The following PCDH11X variants were observed in gnomAD, a reference collection of about 807,000 sequenced individuals.
PCDH11X encodes protocadherin-11 X-linked.
In PCDH11X, 18 loss-of-function variants were observed where a neutral mutation model predicts 53.3. That is an observed-to-expected ratio of 0.34 (90% CI 0.23 to 0.50). PCDH11X has a LOEUF of 0.50. Among genes scored for constraint, PCDH11X ranks in the 20% least tolerant of loss-of-function variants. PCDH11X has a pLI of 0.98. For missense variants in PCDH11X, 570 were observed against 1,032.4 expected (o/e 0.55, Z 6.14); for synonymous variants, 279 against 393.3 (o/e 0.71, Z 3.44).
chrX:92,564,611 A>C (rs1193555024), intron 10 of PCDH11X, among the ~76,000 whole-genome samples: 1 of 110,994 alleles, frequency 9.0e-6, no homozygotes, highest in Non-Finnish European at 1.9e-5. Flanking sequence ...ACATATAAAA[A>C]TCAAATTATA....
At chrX:92,039,755 T>C (rs1289855884) in intron 6 of PCDH11X, among the ~76,000 whole-genome samples, 3 of 111,627 alleles carry the variant, frequency 2.7e-5, no homozygotes, top group African/African-American at 9.8e-5. Context: ...TTCCCTTTGC[T>C]TTTCCCTCTG....
intron 7 of PCDH11X, among the ~76,000 whole-genome samples, chrX:92,237,265 C>T (rs2067188637): frequency 9.1e-6 from 1 of 110,445 alleles, no homozygotes. Flanking sequence ...CCATAAAGAT[C>T]AATAATTTTA....
At position 91,843,577 on chromosome X, in the gene PCDH11X, T is replaced by C. The variant is rs2524459; in HGVS notation, c.540+7533T>C. Among the ~76,000 whole-genome samples the C allele has an allele frequency of 1.3e-3, 144 of 111,214 alleles. No homozygotes were observed. In the South Asian group the frequency reaches 0.035, roughly 27 times the overall value. On this transcript the variant is annotated intron_variant, in intron 5 of 10. Coordinates refer to ENST00000682573, the MANE Select transcript of PCDH11X (RefSeq NM_032968.5). ...CAGTGATCCTCCTGCCTCGGCCTCCTGAAATGTCATGGTTACAGGCATGAG... is the reference window on the plus strand; with the variant it reads ...CAGTGATCCTCCTGCCTCGGCCTCCCGAAATGTCATGGTTACAGGCATGAG...
At chrX:91,897,647 T>G in intron 6 of PCDH11X, among the ~76,000 whole-genome samples, 1 of 100,742 alleles carries the variant, frequency 9.9e-6, no homozygotes, top group Middle Eastern at 5.0e-3. Flanking sequence ...GCTTCCTAAT[T>G]TAACTATTTA....
At chrX:92,269,605 C>T (rs984951226) in intron 8 of PCDH11X, among the ~76,000 whole-genome samples, 3 of 111,696 alleles carry the variant, frequency 2.7e-5, no homozygotes, top group Admixed American at 1.9e-4. Context: ...TTTCTAGCCT[C>T]TCATTTATTC....
intron 6 of PCDH11X, among the ~76,000 whole-genome samples, chrX:92,007,774 A>G (rs780527114): frequency 8.9e-6 from 1 of 112,169 alleles, no homozygotes; most frequent in East Asian, 2.8e-4. Flanking sequence ...GAGCCAGCCC[A>G]TCTCAGAGAA....
At chrX:92,490,368 C>T (rs766532629) in intron 10 of PCDH11X, among the ~76,000 whole-genome samples, 325 of 111,614 alleles carry the variant, frequency 2.9e-3, no homozygotes, top group Middle Eastern at 9.2e-3. Context: ...ACATATTCTG[C>T]GCTATTTTTC....
intron 6 of PCDH11X, among the ~76,000 whole-genome samples, chrX:92,132,685 ATG>A (rs1226579029): frequency 3.8e-5 from 3 of 79,771 alleles, no homozygotes; most frequent in African/African-American, 5.9e-5. Context: ...GTATATATAT[ATG>A]TATATATATA....
chrX:92,029,847 A>G, intron 6 of PCDH11X, among the ~76,000 whole-genome samples: 1 of 112,468 alleles, frequency 8.9e-6, no homozygotes, highest in Non-Finnish European at 1.9e-5. Context: ...CCTATTACAT[A>G]AAGAGAAATA....
At chrX:92,358,092 C>T (rs1298068592) in intron 8 of PCDH11X, among the ~76,000 whole-genome samples, 6 of 106,520 alleles carry the variant, frequency 5.6e-5, no homozygotes, top group Non-Finnish European at 1.2e-4. Context: ...GAGGGAAGGG[C>T]AATATGGACT....
intron 6 of PCDH11X, among the ~76,000 whole-genome samples, chrX:92,084,977 A>AT (rs1370922612): frequency 9.3e-6 from 1 of 107,843 alleles, no homozygotes; most frequent in Admixed American, 9.8e-5. Flanking sequence ...ACTATTGGAA[A>AT]AAAAAAAACT....
At chrX:92,102,596 GC>G (rs2148138953) in intron 6 of PCDH11X, among the ~76,000 whole-genome samples, 1 of 112,021 alleles carries the variant, frequency 8.9e-6, no homozygotes, top group East Asian at 2.8e-4. Flanking sequence ...AGTAATGGGG[GC>G]TGTCTGTGAA....
chrX:92,505,153 T>TTTTTTC (rs2074030540), intron 10 of PCDH11X, among the ~76,000 whole-genome samples: 3 of 25,405 alleles, frequency 1.2e-4, no homozygotes, highest in Non-Finnish European at 1.6e-4. Context: ...TTCTTTTTTC[T>TTTTTTC]TTTTTTTTTT....
chrX:91,958,632 C>G (rs1291033274), intron 6 of PCDH11X, among the ~76,000 whole-genome samples: 1 of 110,583 alleles, frequency 9.0e-6, no homozygotes, highest in Non-Finnish European at 1.9e-5. Context: ...CCTTTCCCCA[C>G]TTTTCTTCAT....
chrX:91,906,289 C>T (rs1478092631), intron 6 of PCDH11X, among the ~76,000 whole-genome samples: 1 of 111,399 alleles, frequency 9.0e-6, no homozygotes, highest in Non-Finnish European at 1.9e-5. Context: ...CAATTATACA[C>T]TGAGGATTCT....
At chrX:92,231,643 A>G (rs977708810) in intron 7 of PCDH11X, among the ~76,000 whole-genome samples, 5 of 111,760 alleles carry the variant, frequency 4.5e-5, no homozygotes, top group African/African-American at 9.7e-5. Flanking sequence ...TAGAGATGCA[A>G]TGGTATACGG....
chrX:92,423,038 G>A (rs1214104935), intron 9 of PCDH11X, among the ~76,000 whole-genome samples: 1 of 104,796 alleles, frequency 9.5e-6, no homozygotes, highest in Non-Finnish European at 2.0e-5. Flanking sequence ...TTCTAGTAGA[G>A]ACGGGATTTC....
chrX:92,152,725 TA>T (rs35428179), intron 6 of PCDH11X, among the ~76,000 whole-genome samples: 1 of 110,781 alleles, frequency 9.0e-6, no homozygotes, highest in Non-Finnish European at 1.9e-5. Flanking sequence ...TTTAAAAATT[TA>T]AAAAATATTT....
At chrX:92,379,013 G>C (rs1272019453) in intron 8 of PCDH11X, among the ~76,000 whole-genome samples, 1 of 113,078 alleles carries the variant, frequency 8.8e-6, no homozygotes, top group Non-Finnish European at 1.9e-5. Context: ...CGGCTGTCTG[G>C]AGTGGCCACT....
Sources: allele counts gnomAD v4.1 joint callset (sites outside exome capture counted in the v4.1 genomes callset), GRCh38; gene constraint gnomAD v4.1.1; transcripts MANE v1.5; gene names NCBI Gene and HGNC (gene_info 2026-07-23, HGNC 2026-07-21).